The following PAGE2B variants were observed in gnomAD, a reference collection of about 807,000 sequenced individuals.
PAGE2B encodes the protein PAGE family member 2B.
PAGE2B carries 5 observed loss-of-function variants against 7.6 expected under a neutral mutation model. The ratio of observed to expected loss-of-function variants is 0.66; its 90% CI spans 0.34 to 1.38. PAGE2B has a LOEUF of 1.38. PAGE2B is among the 40% of genes most tolerant of loss of function. The probability of loss-of-function intolerance (pLI) is 0.04; values close to 1 mark genes in which losing one functional copy is unlikely to be tolerated. For synonymous variants in PAGE2B, 29 were observed against 26.7 expected, an observed-to-expected ratio of 1.09 and a Z score of -0.27; for missense variants, 70 against 78.4, an observed-to-expected ratio of 0.89 and a Z score of 0.41.
chrX:55,053,780 AT>A, the PAGE2B span, among the ~76,000 whole-genome samples: 1 of 111,744 alleles, frequency 8.9e-6, no homozygotes, highest in Non-Finnish European at 1.9e-5. Flanking sequence ...TCTATTTCTT[AT>A]TTTTTCACAG....
chrX:55,067,804 G>T, the PAGE2B span, among the ~76,000 whole-genome samples: 1 of 112,527 alleles, frequency 8.9e-6, no homozygotes, highest in Non-Finnish European at 1.9e-5. Context: ...AATGACCAGT[G>T]ATGATGAACT....
chrX:55,051,305 A>C, the PAGE2B span, among the ~76,000 whole-genome samples: 1 of 110,433 alleles, frequency 9.1e-6, no homozygotes, highest in East Asian at 2.8e-4. Flanking sequence ...GCTCTTCTCG[A>C]GGAGTATCTT....
chrX:55,035,562 C>T, the PAGE2B span, among the ~76,000 whole-genome samples: 7 of 111,210 alleles, frequency 6.3e-5, no homozygotes, highest in East Asian at 2.0e-3. Context: ...TTACTTGCTC[C>T]GTCACTTTAT....
chrX:55,042,934 T>C, the PAGE2B span, among the ~76,000 whole-genome samples: 1 of 110,765 alleles, frequency 9.0e-6, no homozygotes, highest in African/African-American at 3.3e-5. Flanking sequence ...TTATATTACC[T>C]GACTTCAAAC....
chrX:55,076,352 G>A (rs111576133), intron 2 of PAGE2B, among the ~76,000 whole-genome samples: 5 of 102,341 alleles, frequency 4.9e-5, no homozygotes, highest in African/African-American at 2.0e-4. Context: ...GTGTGTGTGT[G>A]TATATGTATA....
chrX:55,052,158 G>T, the PAGE2B span, among the ~76,000 whole-genome samples: 1 of 111,552 alleles, frequency 9.0e-6, no homozygotes, highest in African/African-American at 3.3e-5. Context: ...CTGCCTGATC[G>T]TTCCTCTGAA....
the PAGE2B span, among the ~76,000 whole-genome samples, chrX:55,057,549 G>T: frequency 2.7e-4 from 30 of 111,081 alleles, no homozygotes; most frequent in Non-Finnish European, 5.5e-4. Context: ...CATGCCTTAT[G>T]TCTGAGTATG....
chrX:55,039,526 A>G, the PAGE2B span, among the ~76,000 whole-genome samples: 1 of 107,406 alleles, frequency 9.3e-6, no homozygotes, highest in Non-Finnish European at 1.9e-5. Context: ...AGATTGGGCC[A>G]CTAAAATTAC....
chrX:55,063,666 C>T, the PAGE2B span, among the ~76,000 whole-genome samples: 2 of 110,921 alleles, frequency 1.8e-5, no homozygotes, highest in Non-Finnish European at 3.8e-5. Context: ...AGTTTTTCCC[C>T]ATTCAATATG....
chrX:55,060,891 C>A, the PAGE2B span, among the ~76,000 whole-genome samples: 1 of 110,932 alleles, frequency 9.0e-6, no homozygotes, highest in Non-Finnish European at 1.9e-5. Flanking sequence ...CCTGACTAGG[C>A]TAAGACATGT....
At chrX:55,076,234 A>G (rs918182341) in intron 2 of PAGE2B, 109 bp downstream of exon 2, 1 of 909,775 alleles carries the variant, frequency 1.1e-6, no homozygotes, top group Non-Finnish European at 1.5e-6. Context: ...ATAAAAAATG[A>G]TGATGGCATC....
the PAGE2B span, among the ~76,000 whole-genome samples, chrX:55,042,685 AAAG>A: frequency 2.7e-4 from 28 of 102,448 alleles, no homozygotes; most frequent in African/African-American, 8.4e-4. Flanking sequence ...AAAAAAAAAA[AAAG>A]AAATCATAGA....
At chrX:55,047,407 A>C in the PAGE2B span, among the ~76,000 whole-genome samples, 1 of 111,552 alleles carries the variant, frequency 9.0e-6, no homozygotes, top group Non-Finnish European at 1.9e-5. Context: ...TAGCAGCATG[A>C]TTTATAATCC....
At chrX:55,052,871 C>G in the PAGE2B span, among the ~76,000 whole-genome samples, 1 of 112,750 alleles carries the variant, frequency 8.9e-6, no homozygotes, top group Non-Finnish European at 1.9e-5. Context: ...AGAAATCACC[C>G]GTCTTCTGCG....
chrX:55,074,869 G>T (rs184932302), upstream of PAGE2B, among the ~76,000 whole-genome samples: 1 of 112,496 alleles, frequency 8.9e-6, no homozygotes, highest in East Asian at 2.8e-4. Context: ...TGTCAGGAGC[G>T]CTGGTGGTTT....
At chrX:55,062,984 T>G in the PAGE2B span, among the ~76,000 whole-genome samples, 2 of 111,593 alleles carry the variant, frequency 1.8e-5, no homozygotes, top group African/African-American at 6.5e-5. Context: ...GCCAGTACTG[T>G]GTTGTTTTGG....
Position 55,077,423 on chromosome X carries a change from A to G in PAGE2B, c.218A>G (p.Gln73Arg). 1 of 1,211,343 alleles carries G rather than the reference A, an allele frequency of 8.3e-7. No individual in the cohort carries two copies. The highest frequency in any genetic ancestry group is 1.1e-6 in the Non-Finnish European group (1 of 895,369). The change falls in exon 4 of 5, where the codon CAG (glutamine) becomes CGG (arginine). Residue 73 changes from glutamine to arginine, a missense_variant. Physicochemically the swap from Gln to Arg is conservative, Grantham distance 43. Transcript: ENST00000374971. ...GGGCCTGACATGGAAGCTTTTCAAC[A>G]GGAACTGGCTCTGCTTAAGATAGAG... The part of the protein sequence containing the change: ...VQGPDMEAFQ[Q>R]ELALLKIEDE...
the PAGE2B span, among the ~76,000 whole-genome samples, chrX:55,048,440 T>C: frequency 8.9e-6 from 1 of 111,963 alleles, no homozygotes; most frequent in Non-Finnish European, 1.9e-5. Context: ...CCCATGAGCA[T>C]GGAATGTTCT....
the PAGE2B span, among the ~76,000 whole-genome samples, chrX:55,034,027 C>G: frequency 7.1e-5 from 8 of 112,110 alleles, no homozygotes; most frequent in Non-Finnish European, 1.1e-4. Context: ...TATCCAATAT[C>G]TCTGTAAAAG....
Sources: allele counts gnomAD v4.1 joint callset (sites outside exome capture counted in the v4.1 genomes callset), GRCh38; gene constraint gnomAD v4.1.1; transcripts MANE v1.5; gene names NCBI Gene and HGNC (gene_info 2026-07-23, HGNC 2026-07-21).